Variants in TMPRSS2 observed in about 807,000 individuals in gnomAD.
TMPRSS2 encodes transmembrane protease serine 2.
In TMPRSS2, 59 loss-of-function variants were observed where a neutral mutation model predicts 67.4. The ratio of observed to expected loss-of-function variants is 0.88; its 90% CI spans 0.71 to 1.09. TMPRSS2 has a LOEUF of 1.09. Among genes scored for constraint, TMPRSS2 ranks in the 50% least tolerant of loss-of-function variants. The pLI, the probability that TMPRSS2 is intolerant of heterozygous loss-of-function variation, is 0.00. For synonymous variants in TMPRSS2, 257 were observed against 257.0 expected (o/e 1.00, Z 0.00); for missense variants, 668 against 642.7 (o/e 1.04, Z -0.43).
intron 3 of TMPRSS2, among the ~76,000 whole-genome samples, chr21:41,494,096 C>T (rs1249904737): frequency 1.3e-5 from 2 of 152,226 alleles, no homozygotes; most frequent in Admixed American, 6.5e-5. Context: ...CTGAGTAGAA[C>T]AGGCAAAGCT....
At chr21:41,493,496 T>C (rs913342739) in intron 3 of TMPRSS2, among the ~76,000 whole-genome samples, 1 of 152,230 alleles carries the variant, frequency 6.6e-6, no homozygotes, top group African/African-American at 2.4e-5. Context: ...TGTGGACACA[T>C]GGAAATTCAC....
chr21:41,468,328 CCTCT>C, intron 12 of TMPRSS2, 64 bp downstream of exon 12: 1 of 1,575,956 alleles, frequency 6.3e-7, no homozygotes. Flanking sequence ...CCAAGAATGC[CCTCT>C]CTCTCATGGG....
chr21:41,468,294 G>A, intron 12 of TMPRSS2, 102 bp downstream of exon 12: 2 of 1,471,722 alleles, frequency 1.4e-6, no homozygotes, highest in South Asian at 2.6e-5. Flanking sequence ...CTGGCTCCGT[G>A]TCACTGAGGA....
Position 41,488,479 on chromosome 21 carries a change from G to T in TMPRSS2, c.360C>A (p.Cys120Ter). 1 of 1,613,608 alleles carries T rather than the reference G, an allele frequency of 6.2e-7. No homozygotes were observed. The highest frequency in any genetic ancestry group is 1.1e-5 in the South Asian group (1 of 91,034). Residue 120 changes from cysteine (C) to a stop codon, truncating the protein, a stop_gained, in exon 5 of 14, where the codon TGC becomes TGA. Coordinates refer to ENST00000332149, the MANE Select transcript of TMPRSS2 (RefSeq NM_005656.4). LOFTEE classifies it high-confidence loss of function. The part of the protein sequence containing the change: ...GSKCSNSGIE[C>*]DSSGTCINPS... The stretch of plus-strand genomic sequence containing the variant: ...GGTTGATGCAGGTACCTGAGGAGTC[G>T]CACTCTATCCCAGAGTTGGAGCACT...
At chr21:41,473,780 C>T (rs1459211882) in intron 8 of TMPRSS2, among the ~76,000 whole-genome samples, 1 of 150,456 alleles carries the variant, frequency 6.6e-6, no homozygotes, top group East Asian at 2.0e-4. Context: ...GCCCTGGGGA[C>T]TCCTTGAGTC....
intron 1 of TMPRSS2, 196 bp downstream of exon 1, chr21:41,507,885 C>G (rs2091469493): frequency 1.3e-6 from 2 of 1,484,618 alleles, no homozygotes; most frequent in Admixed American, 4.3e-5. Context: ...GCCCAGCACT[C>G]TCCCAGCACC....
chr21:41,488,741 G>A (rs933711811), intron 4 of TMPRSS2, among the ~76,000 whole-genome samples: 16 of 152,172 alleles, frequency 1.1e-4, no homozygotes, highest in Non-Finnish European at 1.8e-4. Flanking sequence ...GGGTTCAAGT[G>A]ATCCTCCTGC....
In TMPRSS2 at chr21:41,482,625, T is replaced by C. The variant is rs536278410; in HGVS notation, c.446-2023A>G. On this transcript the variant is annotated intron_variant, in intron 5 of 13. Coordinates refer to ENST00000332149, the MANE Select transcript of TMPRSS2 (RefSeq NM_005656.4). Reference sequence around the variant, plus strand: ...CCTGTGGGCTTGTTCCCCCATGAAATGACTTGGGTCTGATTATTGTCTAAT... The same window carrying C: ...CCTGTGGGCTTGTTCCCCCATGAAACGACTTGGGTCTGATTATTGTCTAAT... 9.2e-5 allele frequency among the ~76,000 whole-genome samples: 14 copies of C among 152,340 alleles called. No homozygotes were observed. The South Asian group carries it at 2.7e-3, about 29-fold the overall frequency.
At position 41,500,388 on chromosome 21, in the gene TMPRSS2, C is replaced by A. The variant is rs148719900; in HGVS notation, c.-56-2199G>T. 1.4e-3 allele frequency among the ~76,000 whole-genome samples: 210 copies of A among 152,318 alleles called. 1 individual carries two copies. The highest frequency in any genetic ancestry group is 2.2e-3 in the Non-Finnish European group (151 of 68,026). On this transcript the variant is annotated intron_variant, in intron 1 of 13. Coordinates refer to ENST00000332149, the MANE Select transcript of TMPRSS2 (RefSeq NM_005656.4). ...CTGTCTTGATTCGCAGGTTTGCCTT[C>A]GGTAAGTATTCCCAGGCTACCAACA...
intron 2 of TMPRSS2, among the ~76,000 whole-genome samples, chr21:41,496,818 GTC>G (rs2091385980): frequency 7.7e-6 from 1 of 129,700 alleles, no homozygotes; most frequent in South Asian, 2.5e-4. Flanking sequence ...TCTGCCTCTT[GTC>G]TCTCTCTCCT....
chr21:41,491,533 C>T (rs554986236), intron 3 of TMPRSS2, among the ~76,000 whole-genome samples: 22 of 152,314 alleles, frequency 1.4e-4, no homozygotes, highest in East Asian at 5.8e-4. Flanking sequence ...TCTCATAACT[C>T]GGCTGCAATG....
rs1467695759 is a variant in TMPRSS2 at position 41,473,430 on chromosome 21, C to T, written c.794G>A (p.Gly265Glu). 4 of 1,610,308 alleles carry T rather than the reference C, an allele frequency of 2.5e-6. 1 individual carries two copies. The South Asian group carries it at 3.3e-5, about 13-fold the overall frequency. Residue 265 changes from glycine (G) to glutamate (E), a missense_variant, in exon 9 of 14, where the codon GGG becomes GAG. By Grantham distance (98) the Gly-to-Glu change is moderately conservative. Coordinates refer to ENST00000332149, the MANE Select transcript of TMPRSS2 (RefSeq NM_005656.4). ...CAGGCTGACCTGCCAGGGCCAGGCC[C>T]CCGGGAGCGCGCTCTCGCCGCCCAC... Reference protein sequence around the residue: ...RIVGGESALPGAWPWQVSLHV... With the variant: ...RIVGGESALPEAWPWQVSLHV...
intron 3 of TMPRSS2, among the ~76,000 whole-genome samples, chr21:41,494,123 G>A (rs1028754719): frequency 6.6e-6 from 1 of 152,238 alleles, no homozygotes; most frequent in African/African-American, 2.4e-5. Flanking sequence ...GAGAGTTAAC[G>A]GAAGAGGGAG....
intron 5 of TMPRSS2, among the ~76,000 whole-genome samples, chr21:41,485,163 GGAA>G (rs1432587744): frequency 6.6e-6 from 1 of 151,480 alleles, no homozygotes; most frequent in Non-Finnish European, 1.5e-5. Context: ...AGCAGAGCAA[GGAA>G]GAAGAGATTT....
At chr21:41,470,826 G>C in intron 10 of TMPRSS2, 83 bp from the exon 11 acceptor site, 1 of 1,184,072 alleles carries the variant, frequency 8.4e-7, no homozygotes, top group South Asian at 1.4e-5. Flanking sequence ...AGGCTGCTGG[G>C]CCTGGCACCC....
At chr21:41,475,909 G>A (rs951547310) in intron 8 of TMPRSS2, among the ~76,000 whole-genome samples, 4 of 152,028 alleles carry the variant, frequency 2.6e-5, no homozygotes, top group South Asian at 2.1e-4. Context: ...CAGCCCTGCC[G>A]GGATGGGACG....
intron 8 of TMPRSS2, 82 bp from the exon 9 acceptor site, chr21:41,473,578 C>T (rs971060288): frequency 6.9e-7 from 1 of 1,443,890 alleles, no homozygotes; most frequent in Admixed American, 2.1e-5. Flanking sequence ...TCCCAAGGGT[C>T]TCCCAGGCTG....
chr21:41,480,975 C>T (rs1310116229), intron 5 of TMPRSS2, among the ~76,000 whole-genome samples: 1 of 152,016 alleles, frequency 6.6e-6, no homozygotes, highest in Non-Finnish European at 1.5e-5. Context: ...CTACCCAAGC[C>T]CCGCGCTCTC....
chr21:41,470,281 G>A (rs758426874), intron 11 of TMPRSS2, among the ~76,000 whole-genome samples: 2 of 152,124 alleles, frequency 1.3e-5, no homozygotes, highest in African/African-American at 2.4e-5. Context: ...CAGGATGCCC[G>A]TCCTCACCAA....
Sources: allele counts gnomAD v4.1 joint callset (sites outside exome capture counted in the v4.1 genomes callset), GRCh38; gene constraint gnomAD v4.1.1; transcripts MANE v1.5; gene names NCBI Gene and HGNC (gene_info 2026-07-23, HGNC 2026-07-21).